Variants in YIPF4 observed in about 807,000 individuals in gnomAD.
YIPF4 encodes the protein Yip1 domain family member 4.
Under a neutral mutation model 29.4 loss-of-function variants are expected in YIPF4, and 18 were observed. That is an observed-to-expected ratio of 0.61 (90% CI 0.42 to 0.91). YIPF4 has a LOEUF of 0.91. Ranked by LOEUF, YIPF4 falls within the 40% of genes least tolerant of loss-of-function variation. The probability of loss-of-function intolerance (pLI) is 0.00; values close to 1 mark genes in which losing one functional copy is unlikely to be tolerated. For synonymous variants in YIPF4, 115 were observed against 104.7 expected, an observed-to-expected ratio of 1.10 and a Z score of -0.60; for missense variants, 279 against 282.7, an observed-to-expected ratio of 0.99 and a Z score of 0.09.
At chr2:32,305,431 CA>C (rs1225436583) in intron 5 of YIPF4, 57 bp from the exon 6 acceptor site, 2 of 1,406,422 alleles carry the variant, frequency 1.4e-6, no homozygotes, top group Non-Finnish European at 1.9e-6. Context: ...CTATGATATC[CA>C]AAAAGTTAAT....
intron 3 of YIPF4, among the ~76,000 whole-genome samples, chr2:32,294,830 C>T (rs933589621): frequency 6.6e-5 from 10 of 152,326 alleles, no homozygotes; most frequent in African/African-American, 1.7e-4. Context: ...CTCCGGAGGC[C>T]GAGGCTGGCG....
intron 1 of YIPF4, among the ~76,000 whole-genome samples, chr2:32,288,988 C>G (rs766674686): frequency 3.3e-5 from 5 of 152,122 alleles, no homozygotes; most frequent in Admixed American, 3.3e-4. Context: ...AAATAACACT[C>G]TTTGTATCTA....
intron 5 of YIPF4, among the ~76,000 whole-genome samples, chr2:32,303,994 A>G (rs2031491291): frequency 6.6e-6 from 1 of 152,202 alleles, no homozygotes; most frequent in African/African-American, 2.4e-5. Context: ...TCATATAGTT[A>G]TCTTAAAGTT....
intron 2 of YIPF4, 67 bp from the exon 3 acceptor site, chr2:32,292,110 T>G: frequency 8.9e-7 from 1 of 1,120,840 alleles, no homozygotes; most frequent in Non-Finnish European, 1.2e-6. Flanking sequence ...TTTCTTAATT[T>G]TTTTTTGGAA....
intron 2 of YIPF4, 118 bp downstream of exon 2, chr2:32,290,754 T>C: frequency 3.3e-6 from 2 of 601,282 alleles, no homozygotes; most frequent in Non-Finnish European, 4.8e-6. Flanking sequence ...GCTATAGTGA[T>C]TGTCAATTTT....
chr2:32,313,837 G>A lies in YIPF4; in HGVS notation c.*8211G>A, dbSNP rs1247239748. ...CCTGCCTCAGCCTCCCGAGTAGCTG[G>A]GATTACAGGCACCCACTGCCACACT... On this transcript the variant is annotated 3_prime_UTR_variant, in exon 6 of 6. Transcript: ENST00000238831. The A allele has an allele frequency of 1.3e-5, 2 of 152,200 alleles. No homozygotes were observed. Among genetic ancestry groups the A allele is most frequent in the African/African-American group, 4.8e-5 (2 of 41,394 alleles). 9.4% of individuals were successfully genotyped at this position (152,200 alleles called of 1,614,324 possible).
Position 32,306,555 on chromosome 2 carries a change from A to G in YIPF4, c.*929A>G. ...AATGTTATATGAAGTAGAAAAAATA[A>G]AATACTTCCCAGTTGTGTGTTTTGT... On this transcript the variant is annotated 3_prime_UTR_variant, in exon 6 of 6. Coordinates refer to ENST00000238831, the MANE Select transcript of YIPF4 (RefSeq NM_032312.4). 1.0e-6 allele frequency: 1 copy of G among 985,332 alleles called. No homozygotes were observed. Among genetic ancestry groups the G allele is most frequent in the Non-Finnish European group, 1.2e-6 (1 of 829,846 alleles). 61.0% of individuals were successfully genotyped at this position (985,332 alleles called of 1,614,324 possible). A position where few individuals can be genotyped will look rare whatever the true frequency, so the allele number is the denominator to read the frequency against.
At chr2:32,285,448 A>C (rs1382532093) in intron 1 of YIPF4, among the ~76,000 whole-genome samples, 1 of 152,160 alleles carries the variant, frequency 6.6e-6, no homozygotes, top group East Asian at 1.9e-4. Context: ...TTTTATCCCT[A>C]TATAAAAATT....
At chr2:32,294,327 G>A (rs1359440953) in intron 3 of YIPF4, among the ~76,000 whole-genome samples, 44 of 150,684 alleles carry the variant, frequency 2.9e-4, no homozygotes, top group African/African-American at 9.3e-4. Context: ...GCTGCCGGGC[G>A]GACGGGCTCC....
intron 3 of YIPF4, among the ~76,000 whole-genome samples, chr2:32,294,920 A>G (rs2031110635): frequency 6.6e-6 from 1 of 152,162 alleles, no homozygotes; most frequent in Non-Finnish European, 1.5e-5. Context: ...TACAAAAACC[A>G]GTCAGGCGTG....
intron 3 of YIPF4, among the ~76,000 whole-genome samples, chr2:32,296,043 C>T (rs749877131): frequency 3.3e-5 from 5 of 152,156 alleles, no homozygotes; most frequent in Non-Finnish European, 5.9e-5. Flanking sequence ...TAGTTTATAT[C>T]AGATGTTATG....
rs754340793 is a variant in YIPF4 at position 32,278,133 on chromosome 2, G to T, written c.-23G>T. 6.5e-7 allele frequency: 1 copy of T among 1,543,716 alleles called. No individual in the cohort carries two copies. The highest frequency in any genetic ancestry group is 1.2e-5 in the South Asian group (1 of 83,686). On this transcript the variant is annotated 5_prime_UTR_variant, in exon 1 of 6. Transcript: ENST00000238831. Reference sequence around the variant, plus strand: ...GCCCAGCCGCAGCCTCTTCTACCGCGGCCGGTTGGGAGTCGCCGCGAGATG... The same window carrying T: ...GCCCAGCCGCAGCCTCTTCTACCGCTGCCGGTTGGGAGTCGCCGCGAGATG...
chr2:32,292,318 T>G lies in YIPF4; in HGVS notation c.375T>G (p.Phe125Leu), dbSNP rs1302264333. Residue 125 changes from phenylalanine (F) to leucine (L), a missense_variant, in exon 3 of 6, where the codon TTT (phenylalanine) becomes TTG (leucine). By Grantham distance (22) the Phe-to-Leu change is conservative. Transcript: ENST00000238831. ...GTCCTCTGGCTGTTGTTCTTTTCTT[T>G]TCCATGATATCATTATATGGACAGT... ...FWGPLAVVLFFSMISLYGQFR... is the reference protein window; with the variant it reads ...FWGPLAVVLFLSMISLYGQFR... 4 of 1,599,940 alleles carry G rather than the reference T, an allele frequency of 2.5e-6. No individual in the cohort carries two copies. The South Asian group carries it at 4.6e-5, about 18-fold the overall frequency.
chr2:32,296,727 T>C (rs2031202401), intron 3 of YIPF4, among the ~76,000 whole-genome samples: 1 of 152,212 alleles, frequency 6.6e-6, no homozygotes, highest in Admixed American at 6.5e-5. Context: ...ATTTCTCCAG[T>C]ATAAAGTTAC....
chr2:32,300,197 C>T (rs2031349038), intron 4 of YIPF4, among the ~76,000 whole-genome samples: 1 of 152,038 alleles, frequency 6.6e-6, no homozygotes, highest in African/African-American at 2.4e-5. Flanking sequence ...ACCCGGGAGG[C>T]GGAGGTTGTG....
intron 1 of YIPF4, among the ~76,000 whole-genome samples, chr2:32,285,171 G>A (rs2030612480): frequency 1.3e-5 from 2 of 152,148 alleles, no homozygotes; most frequent in Admixed American, 1.3e-4. Context: ...AGGTAAAACT[G>A]ACAATTTAGT....
rs1044388976 is a variant in YIPF4, at chr2:32,315,232, G to C, written c.*9606G>C. On this transcript the variant is annotated 3_prime_UTR_variant, in exon 6 of 6. Coordinates refer to ENST00000238831, the MANE Select transcript of YIPF4 (RefSeq NM_032312.4). ...ACCAAATGGAGCATGTCAGTCAAAG[G>C]TGTCCTTATTTAAAATCTCTGGAAG... 4.6e-5 allele frequency: 7 copies of C among 152,206 alleles called. No individual in the cohort carries two copies. The highest frequency in any genetic ancestry group is 1.0e-4 in the Non-Finnish European group (7 of 68,028). The allele number at this position is 152,206 out of a possible 1,614,324, so 9.4% of individuals were successfully genotyped here.
At chr2:32,303,014 A>G (rs2031457351) in intron 5 of YIPF4, among the ~76,000 whole-genome samples, 1 of 152,154 alleles carries the variant, frequency 6.6e-6, no homozygotes, top group African/African-American at 2.4e-5. Flanking sequence ...CTTACCCTCA[A>G]TTTGTTCTTA....
chr2:32,278,733 C>T (rs1044535500), intron 1 of YIPF4, among the ~76,000 whole-genome samples: 1 of 152,038 alleles, frequency 6.6e-6, no homozygotes, highest in Non-Finnish European at 1.5e-5. Flanking sequence ...ATGTCTTGCC[C>T]GAGTCCCCGT....
Sources: allele counts gnomAD v4.1 joint callset (sites outside exome capture counted in the v4.1 genomes callset), GRCh38; gene constraint gnomAD v4.1.1; transcripts MANE v1.5; gene names NCBI Gene and HGNC (gene_info 2026-07-23, HGNC 2026-07-21).